The following TAF8 variants were observed in gnomAD, a reference collection of about 807,000 sequenced individuals.
The protein encoded by TAF8 is transcription initiation factor TFIID subunit 8.
A neutral mutation model predicts 36.5 loss-of-function variants in TAF8; 47 were observed. The observed-to-expected ratio is 1.29, with a 90% CI of 1.02 to 1.64. TAF8 has a LOEUF of 1.64. Among genes scored for constraint, TAF8 ranks in the 40% most tolerant of loss-of-function variants. TAF8 has a pLI of 0.00. For synonymous variants in TAF8, 175 were observed against 159.5 expected (o/e 1.10, Z -0.73); for missense variants, 420 against 407.6 (o/e 1.03, Z -0.26).
chr6:42,086,146 G>GA (rs1766021553), downstream of TAF8, among the ~76,000 whole-genome samples: 1 of 152,178 alleles, frequency 6.6e-6, no homozygotes, highest in Non-Finnish European at 1.5e-5. Context: ...CCAGTTTCTA[G>GA]TACTTTGTTG....
Position 42,077,182 on chromosome 6 carries a change from A to C in TAF8, c.863A>C (p.Asn288Thr). Residue 288 changes from asparagine to threonine, a missense_variant, in exon 8 of 9, where the codon AAC becomes ACC. Coordinates refer to ENST00000372977, the MANE Select transcript of TAF8 (RefSeq NM_138572.3). ...SLSGSRNGEE[N>T]IIDNPYLRPV... ...TCGGGTAGCCGGAATGGGGAGGAGA[A>C]CATCATCGATAACCCTTATCTGCGG... The C allele has an allele frequency of 1.2e-6, 2 of 1,614,174 alleles. No homozygotes were observed. The highest frequency in any genetic ancestry group is 1.7e-6 in the Non-Finnish European group (2 of 1,180,016).
intron 1 of TAF8, chr6:42,051,102 T>C (rs1341112160): frequency 8.6e-7 from 1 of 1,158,204 alleles, no homozygotes. Flanking sequence ...TCTGCTAAAG[T>C]AGAAAGTAAA....
At chr6:42,067,727 C>T (rs1218250767) in intron 6 of TAF8, among the ~76,000 whole-genome samples, 1 of 152,012 alleles carries the variant, frequency 6.6e-6, no homozygotes, top group Admixed American at 6.6e-5. Context: ...ACTATTATAC[C>T]TGGCTAATTT....
rs1765880553 is a variant in TAF8 at position 42,080,225 on chromosome 6, G to A, written c.*2680G>A. 1.0e-6 allele frequency: 1 copy of A among 985,428 alleles called. No individual in the cohort carries two copies. Among genetic ancestry groups the A allele is most frequent in the Admixed American group, 6.1e-5 (1 of 16,268 alleles). 61.0% of individuals were successfully genotyped at this position (985,428 alleles called of 1,614,324 possible). Reference sequence around the variant, plus strand: ...ACTGCTCTTGGGAGGTGTTGTCCCAGTCAGTGTTTCTGCAGCTTCCATTTG... The same window carrying A: ...ACTGCTCTTGGGAGGTGTTGTCCCAATCAGTGTTTCTGCAGCTTCCATTTG... On this transcript the variant is annotated 3_prime_UTR_variant, in exon 9 of 9. Transcript: ENST00000372977.
chr6:42,076,458 A>G (rs974254829), intron 7 of TAF8, among the ~76,000 whole-genome samples: 1 of 152,198 alleles, frequency 6.6e-6, no homozygotes, highest in African/African-American at 2.4e-5. Context: ...TCAAACAGGC[A>G]AACAAACAAA....
At chr6:42,052,328 C>CCTT (rs1491236570) in intron 2 of TAF8, among the ~76,000 whole-genome samples, 10 of 101,482 alleles carry the variant, frequency 9.9e-5, no homozygotes, top group African/African-American at 2.2e-4. Context: ...CCCCCCCCCC[C>CCTT]TTTTTTTTTT....
chr6:42,068,699 C>T, intron 7 of TAF8, 92 bp downstream of exon 7: 3 of 1,507,708 alleles, frequency 2.0e-6, no homozygotes, highest in Non-Finnish European at 2.7e-6. Context: ...CATGATCGAC[C>T]TCAGGTCTCT....
intron 2 of TAF8, chr6:42,051,718 T>A (rs765797882): frequency 4.1e-5 from 17 of 414,348 alleles, no homozygotes; most frequent in Non-Finnish European, 6.8e-5. Context: ...CCCAGTACTT[T>A]AGGAGGCTGA....
chr6:42,083,826 C>T (rs1342891702), downstream of TAF8, among the ~76,000 whole-genome samples: 1 of 152,050 alleles, frequency 6.6e-6, no homozygotes, highest in African/African-American at 2.4e-5. Context: ...ACATTCTAGG[C>T]AGAGTGAACA....
Position 42,077,825 on chromosome 6 carries a change from A to T in TAF8, c.*280A>T. 1 of 1,090,838 alleles carries T rather than the reference A, an allele frequency of 9.2e-7. No homozygotes were observed. The highest frequency in any genetic ancestry group is 1.9e-5 in the South Asian group (1 of 52,458). The allele number at this position is 1,090,838 out of a possible 1,614,324, so 67.6% of individuals were successfully genotyped here. On this transcript the variant is annotated 3_prime_UTR_variant, in exon 9 of 9. Transcript: ENST00000372977. The stretch of plus-strand genomic sequence containing the variant: ...GGCTGGAATGCAGTGGTGTGATCTC[A>T]GCTCACTGCAGTCTCAGCAACCCTG...
Position 42,050,799 on chromosome 6 carries a change from T to C in TAF8, c.45+213T>C, listed in dbSNP as rs73733084. Reference sequence around the variant, plus strand: ...TGTGTCTTGATTGGCTCGTTCGCTGTTGGGGGTTGGGAGCCCGGAACACCC... The same window carrying C: ...TGTGTCTTGATTGGCTCGTTCGCTGCTGGGGGTTGGGAGCCCGGAACACCC... On this transcript the variant is annotated intron_variant, in intron 1 of 8. Coordinates refer to ENST00000372977, the MANE Select transcript of TAF8 (RefSeq NM_138572.3). The C allele has an allele frequency of 2.0e-4, 183 of 901,474 alleles. No homozygotes were observed. In the African/African-American group the frequency reaches 2.8e-3, roughly 14 times the overall value. The allele number at this position is 901,474 out of a possible 1,614,324, so 55.8% of individuals were successfully genotyped here.
chr6:42,069,928 G>C (rs984285502), intron 7 of TAF8, among the ~76,000 whole-genome samples: 1 of 152,188 alleles, frequency 6.6e-6, no homozygotes, highest in African/African-American at 2.4e-5. Flanking sequence ...AGGGAAGTAA[G>C]TGTTTCAGGG....
At chr6:42,073,040 A>G (rs940862135) in intron 7 of TAF8, among the ~76,000 whole-genome samples, 1 of 152,142 alleles carries the variant, frequency 6.6e-6, no homozygotes, top group South Asian at 2.1e-4. Context: ...GGTATTTTAA[A>G]TTATTATTTT....
intron 2 of TAF8, among the ~76,000 whole-genome samples, chr6:42,055,309 G>T (rs1764938074): frequency 6.6e-6 from 1 of 152,194 alleles, no homozygotes; most frequent in Non-Finnish European, 1.5e-5. Flanking sequence ...TCCATTGTAT[G>T]TATACAGCAC....
chr6:42,053,146 C>T (rs980933555), intron 2 of TAF8, among the ~76,000 whole-genome samples: 5 of 152,182 alleles, frequency 3.3e-5, no homozygotes, highest in African/African-American at 4.8e-5. Flanking sequence ...TGGACCCAAG[C>T]CTCCCACATA....
At chr6:42,064,576 G>A (rs1052281203) in intron 5 of TAF8, among the ~76,000 whole-genome samples, 5 of 151,930 alleles carry the variant, frequency 3.3e-5, no homozygotes, top group Admixed American at 6.6e-5. Context: ...TTTTTAACAC[G>A]TCAGAAAATT....
chr6:42,072,114 A>G (rs1765599017), intron 7 of TAF8, among the ~76,000 whole-genome samples: 1 of 152,204 alleles, frequency 6.6e-6, no homozygotes, highest in Admixed American at 6.5e-5. Flanking sequence ...AAACAGAAAC[A>G]CCTACCTCAA....
At chr6:42,068,681 G>C (rs549887556) in intron 7 of TAF8, 74 bp downstream of exon 7, 1 of 1,574,408 alleles carries the variant, frequency 6.4e-7, no homozygotes, top group South Asian at 1.1e-5. Flanking sequence ...GTCACCCTGG[G>C]ACCTGGACAT....
intron 7 of TAF8, among the ~76,000 whole-genome samples, chr6:42,075,090 A>G (rs1193504488): frequency 6.6e-6 from 1 of 152,154 alleles, no homozygotes; most frequent in Admixed American, 6.5e-5. Flanking sequence ...GCACGGTTGA[A>G]GTGAGCTTCC....
Sources: gnomAD v4.1 joint callset for allele counts (sites outside exome capture counted in the v4.1 genomes callset) on GRCh38, gnomAD v4.1.1 for gene constraint, MANE v1.5 for transcripts, NCBI Gene and HGNC (gene_info 2026-07-23, HGNC 2026-07-21) for gene names.